The following CDKL5 variants were observed in gnomAD, a reference collection of about 807,000 sequenced individuals.
CDKL5 encodes the protein cyclin-dependent kinase-like 5.
CDKL5 carries 8 observed loss-of-function variants against 61.7 expected under a neutral mutation model. That is an observed-to-expected ratio of 0.13 (90% CI 0.08 to 0.23). CDKL5 has a LOEUF of 0.23. Among genes scored for constraint, CDKL5 ranks in the 10% least tolerant of loss-of-function variants. The probability of loss-of-function intolerance (pLI) is 1.00; values close to 1 mark genes in which losing one functional copy is unlikely to be tolerated. For synonymous variants in CDKL5, 275 were observed against 272.3 expected (o/e 1.01, Z -0.10); for missense variants, 440 against 734.5 (o/e 0.60, Z 4.63).
rs954699866 is a variant in CDKL5, at chrX:18,613,305, C to T, written c.2276+30C>T. The T allele has an allele frequency of 7.7e-6, 9 of 1,164,841 alleles. No individual in the cohort carries two copies. The African/African-American group carries it at 1.3e-4, about 16-fold the overall frequency. On this transcript the variant is annotated intron_variant, in intron 15 of 17. Coordinates refer to ENST00000623535, the MANE Select transcript of CDKL5 (RefSeq NM_001323289.2). ...GCATTTTGGTTTGTTTTTACTCTTCCTTTTTTTAATTGTAGATTTAAGAGT... is the reference window on the plus strand; with the variant it reads ...GCATTTTGGTTTGTTTTTACTCTTCTTTTTTTTAATTGTAGATTTAAGAGT...
chrX:18,609,220 C>A (rs191554944), intron 13 of CDKL5, among the ~76,000 whole-genome samples: 95 of 110,487 alleles, frequency 8.6e-4, no homozygotes, highest in African/African-American at 3.1e-3. Context: ...TAGCAAGACC[C>A]CATCTCTACA....
chrX:18,588,103 T>C lies in CDKL5; in HGVS notation c.704T>C (p.Met235Thr). ...KVLGPLPSEQMKLFYSNPRFH... is the reference protein window; with the variant it reads ...KVLGPLPSEQTKLFYSNPRFH... The stretch of plus-strand genomic sequence containing the variant: ...CTAGGACCACTTCCATCTGAGCAGA[T>C]GAAGCTTTTCTACAGTAATCCTCGC... Residue 235 changes from methionine to threonine, a missense_variant, in exon 9 of 18, where the codon ATG (methionine) becomes ACG (threonine). Transcript: ENST00000623535. The C allele has an allele frequency of 8.3e-7, 1 of 1,211,032 alleles. No homozygotes were observed. The highest frequency in any genetic ancestry group is 1.1e-6 in the Non-Finnish European group (1 of 895,126).
intron 3 of CDKL5, among the ~76,000 whole-genome samples, chrX:18,530,423 G>C (rs1397246230): frequency 9.1e-6 from 1 of 110,416 alleles, no homozygotes; most frequent in Non-Finnish European, 1.9e-5. Context: ...TTACAGCCTA[G>C]TGATTTTTTG....
At chrX:18,572,284 A>G (rs1702791215) in intron 4 of CDKL5, among the ~76,000 whole-genome samples, 1 of 111,818 alleles carries the variant, frequency 8.9e-6, no homozygotes, top group South Asian at 3.8e-4. Flanking sequence ...TCCTTCTACT[A>G]AAACCATCCT....
At chrX:18,621,537 TG>T (rs1439449627) in intron 16 of CDKL5, among the ~76,000 whole-genome samples, 2 of 111,764 alleles carry the variant, frequency 1.8e-5, no homozygotes, top group African/African-American at 6.5e-5. Context: ...GGCAAGAAGG[TG>T]GGGTTTTTTT....
intron 1 of CDKL5, among the ~76,000 whole-genome samples, chrX:18,478,428 T>G (rs1921407085): frequency 9.3e-6 from 1 of 107,621 alleles, no homozygotes; most frequent in South Asian, 4.0e-4. Context: ...GTAGCTGGGA[T>G]AACAGGCATG....
chrX:18,639,933 T>A lies in CDKL5; in HGVS notation c.*11176T>A, dbSNP rs944920358. On this transcript the variant is annotated 3_prime_UTR_variant, in exon 18 of 18. Coordinates refer to ENST00000623535, the MANE Select transcript of CDKL5 (RefSeq NM_001323289.2). ...AATACCACATACTATATGATTTCAT[T>A]TATGTAGAACGTCCAGAAGGCCAAT... 1.4e-4 allele frequency: 16 copies of A among 111,965 alleles called. No homozygotes were observed. Among genetic ancestry groups the A allele is most frequent in the Middle Eastern group, 4.6e-3 (1 of 218 alleles). The allele number at this position is 111,965 out of a possible 1,213,427, so 9.2% of individuals were successfully genotyped here. A position where few individuals can be genotyped will look rare whatever the true frequency, so the allele number is the denominator to read the frequency against.
downstream of CDKL5, chrX:18,642,215 T>G: frequency 1.8e-6 from 2 of 1,132,550 alleles, no homozygotes; most frequent in Non-Finnish European, 2.4e-6. Context: ...GGAAGAAGGG[T>G]TCCTTTCTGG....
At chrX:18,569,709 A>G (rs1925078789) in intron 4 of CDKL5, among the ~76,000 whole-genome samples, 1 of 111,623 alleles carries the variant, frequency 9.0e-6, no homozygotes, top group Non-Finnish European at 1.9e-5. Context: ...ATTGTCTAGA[A>G]TTTATTTTTG....
chrX:18,536,375 A>G (rs187131333), intron 3 of CDKL5, among the ~76,000 whole-genome samples: 3 of 105,751 alleles, frequency 2.8e-5, no homozygotes, highest in East Asian at 3.0e-4. Context: ...ATTGCATGCA[A>G]TGTAGACCTA....
intron 2 of CDKL5, 134 bp from the exon 3 acceptor site, chrX:18,510,686 C>A: frequency 5.8e-6 from 3 of 519,196 alleles, no homozygotes; most frequent in Non-Finnish European, 1.0e-5. Flanking sequence ...TTGTATGTGG[C>A]TCATTATTGC....
chrX:18,605,051 A>G (rs1055823827), intron 12 of CDKL5, among the ~76,000 whole-genome samples, 183 bp downstream of exon 12: 1 of 110,502 alleles, frequency 9.0e-6, no homozygotes, highest in Admixed American at 9.6e-5. Context: ...TTTTAAATCT[A>G]TTTAGATCAA....
At chrX:18,643,829 A>AATATAT (rs755520723), downstream of CDKL5, among the ~76,000 whole-genome samples, 1,875 of 105,865 alleles carry the variant, frequency 0.018, 48 homozygotes, top group African/African-American at 0.06. Flanking sequence ...ATTCATAGCA[A>AATATAT]ATATATATAT....
intron 14 of CDKL5, among the ~76,000 whole-genome samples, chrX:18,611,357 C>T (rs1025139481): frequency 3.7e-4 from 40 of 108,655 alleles, no homozygotes; most frequent in Admixed American, 9.8e-4. Flanking sequence ...ATGGCGTGAA[C>T]CCGGGAGGCG....
intron 1 of CDKL5, among the ~76,000 whole-genome samples, chrX:18,458,700 G>A (rs949611441): frequency 9.1e-6 from 1 of 109,393 alleles, no homozygotes; most frequent in African/African-American, 3.3e-5. Context: ...CAGCCTAGGC[G>A]ACAGAGCGAG....
At chrX:18,429,783 G>A (rs1208282455) in intron 1 of CDKL5, among the ~76,000 whole-genome samples, 2 of 111,319 alleles carry the variant, frequency 1.8e-5, no homozygotes, top group African/African-American at 3.3e-5. Flanking sequence ...CTACAGGCAC[G>A]TGCTCCCATA....
chrX:18,462,208 T>C (rs1932306231), intron 1 of CDKL5, among the ~76,000 whole-genome samples: 1 of 110,590 alleles, frequency 9.0e-6, no homozygotes, highest in Admixed American at 9.7e-5. Context: ...GCTGTAAAGC[T>C]TCATGGAAGG....
At chrX:18,439,958 T>C (rs1835202676) in intron 1 of CDKL5, among the ~76,000 whole-genome samples, 1 of 110,790 alleles carries the variant, frequency 9.0e-6, no homozygotes, top group Non-Finnish European at 1.9e-5. Context: ...CAAAAAATGC[T>C]AGCAATAATT....
At chrX:18,547,071 T>G (rs939584995) in intron 3 of CDKL5, among the ~76,000 whole-genome samples, 1 of 112,424 alleles carries the variant, frequency 8.9e-6, no homozygotes, top group Non-Finnish European at 1.9e-5. Context: ...CCTTGTTATA[T>G]GTCTCTTCCC....
Sources: allele counts gnomAD v4.1 joint callset (sites outside exome capture counted in the v4.1 genomes callset), GRCh38; gene constraint gnomAD v4.1.1; transcripts MANE v1.5; gene names NCBI Gene and HGNC (gene_info 2026-07-23, HGNC 2026-07-21).